Variants in CFAP91 observed in about 807,000 individuals in gnomAD.
CFAP91 encodes the protein cilia- and flagella-associated protein 91.
Under a neutral mutation model 95.9 loss-of-function variants are expected in CFAP91, and 85 were observed. The observed-to-expected ratio is 0.89, with a 90% CI of 0.74 to 1.06. The LOEUF (loss-of-function observed/expected upper bound fraction) is 1.06. Ranked by LOEUF, CFAP91 falls within the 50% of genes least tolerant of loss-of-function variation. The pLI is 0.00. For synonymous variants in CFAP91, 335 were observed against 327.5 expected, an observed-to-expected ratio of 1.02 and a Z score of -0.25; for missense variants, 962 against 943.4, an observed-to-expected ratio of 1.02 and a Z score of -0.26.
chr3:119,703,245 C>T, intron 1 of CFAP91, 23 bp downstream of exon 1: 1 of 1,609,770 alleles, frequency 6.2e-7, no homozygotes, highest in Non-Finnish European at 8.5e-7. Flanking sequence ...GCAGACCTTC[C>T]TCCGCGTCCG....
intron 5 of CFAP91, among the ~76,000 whole-genome samples, chr3:119,713,668 T>C (rs1478170298): frequency 6.6e-6 from 1 of 151,980 alleles, no homozygotes; most frequent in Non-Finnish European, 1.5e-5. Flanking sequence ...CAGAAAAGTA[T>C]AAAGATGAAA....
chr3:119,704,088 A>T (rs1231806704), intron 1 of CFAP91, among the ~76,000 whole-genome samples: 1 of 152,114 alleles, frequency 6.6e-6, no homozygotes, highest in Non-Finnish European at 1.5e-5. Context: ...CTGTGTAATG[A>T]TTGCTGACAT....
intron 6 of CFAP91, among the ~76,000 whole-genome samples, chr3:119,718,894 C>A (rs2053628029): frequency 6.7e-6 from 1 of 148,440 alleles, no homozygotes; most frequent in Non-Finnish European, 1.5e-5. Context: ...AGCAATTTCA[C>A]TCCTAAGTAT....
intron 17 of CFAP91, among the ~76,000 whole-genome samples, chr3:119,754,382 G>A (rs928777427): frequency 6.6e-6 from 1 of 152,136 alleles, no homozygotes; most frequent in African/African-American, 2.4e-5. Context: ...AATTGAAGAA[G>A]GAAATGTTAA....
At chr3:119,729,502 G>C (rs2053852284) in intron 7 of CFAP91, among the ~76,000 whole-genome samples, 1 of 152,052 alleles carries the variant, frequency 6.6e-6, no homozygotes, top group Non-Finnish European at 1.5e-5. Flanking sequence ...AAATTAGCCA[G>C]GTGTGGTGGT....
Position 119,729,323 on chromosome 3 carries a change from A to G in CFAP91, c.861-897A>G, listed in dbSNP as rs1426264962. Among the ~76,000 whole-genome samples, 4 of 152,028 alleles carry G rather than the reference A, an allele frequency of 2.6e-5. No homozygotes were observed. In the East Asian group the frequency reaches 7.7e-4, roughly 29 times the overall value. ...TTTAATTGTCAAGTGGTGACTGGAGATTCAAATAGATGGAAATTCTGGTTC... is the reference window on the plus strand; with the variant it reads ...TTTAATTGTCAAGTGGTGACTGGAGGTTCAAATAGATGGAAATTCTGGTTC... On this transcript the variant is annotated intron_variant, in intron 7 of 17. Transcript: ENST00000273390.
At chr3:119,762,602 A>G (rs1034451769) in intron 17 of CFAP91, among the ~76,000 whole-genome samples, 18 of 152,182 alleles carry the variant, frequency 1.2e-4, no homozygotes, top group Middle Eastern at 6.8e-3. Flanking sequence ...TATGCTAATC[A>G]AAACAGCATG....
chr3:119,737,294 T>A, intron 10 of CFAP91, 72 bp from the exon 11 acceptor site: 1 of 848,920 alleles, frequency 1.2e-6, no homozygotes, highest in Non-Finnish European at 1.9e-6. Flanking sequence ...TGTAAAAAAC[T>A]GCACTTTTAC....
chr3:119,740,403 G>A (rs867255129), intron 12 of CFAP91, 146 bp from the exon 13 acceptor site: 2 of 857,944 alleles, frequency 2.3e-6, no homozygotes, highest in South Asian at 1.8e-5. Context: ...CTCTAGCTCT[G>A]TGGGACACAT....
At chr3:119,742,841 T>A (rs983601446) in intron 13 of CFAP91, among the ~76,000 whole-genome samples, 1 of 152,180 alleles carries the variant, frequency 6.6e-6, no homozygotes, top group Non-Finnish European at 1.5e-5. Context: ...CTCTGAGAAC[T>A]GAGTATTCCC....
chr3:119,719,364 G>C (rs2053639252), intron 6 of CFAP91, among the ~76,000 whole-genome samples: 3 of 151,554 alleles, frequency 2.0e-5, no homozygotes, highest in Admixed American at 2.0e-4. Context: ...TCTGGGTGCT[G>C]ATTATATGGG....
chr3:119,712,981 A>C (rs994007807), intron 5 of CFAP91, among the ~76,000 whole-genome samples: 3 of 151,874 alleles, frequency 2.0e-5, no homozygotes, highest in East Asian at 1.9e-4. Flanking sequence ...CAAAAAAAAA[A>C]AACAACTATT....
intron 1 of CFAP91, chr3:119,706,057 G>A (rs1189030984): frequency 3.3e-5 from 5 of 152,104 alleles, no homozygotes; most frequent in African/African-American, 1.2e-4. Context: ...AGCTGGTCAG[G>A]GTATTTGCCT....
intron 3 of CFAP91, 138 bp downstream of exon 3, chr3:119,707,699 C>T: frequency 2.3e-6 from 1 of 432,100 alleles, no homozygotes; most frequent in East Asian, 4.1e-5. Flanking sequence ...CCTCTTTTGA[C>T]CAAACAAACC....
intron 5 of CFAP91, among the ~76,000 whole-genome samples, chr3:119,714,381 A>G (rs1488672576): frequency 7.7e-6 from 1 of 130,116 alleles, no homozygotes; most frequent in African/African-American, 2.6e-5. Context: ...AAAAAAAAAA[A>G]AAAAGAAAGA....
chr3:119,713,675 GA>G (rs1275641664), intron 5 of CFAP91, among the ~76,000 whole-genome samples: 4 of 151,576 alleles, frequency 2.6e-5, no homozygotes, highest in East Asian at 3.9e-4. Context: ...GTATAAAGAT[GA>G]AAAAAATTAT....
At chr3:119,745,453 G>A (rs1577236976) in intron 14 of CFAP91, among the ~76,000 whole-genome samples, 1 of 152,146 alleles carries the variant, frequency 6.6e-6, no homozygotes, top group Admixed American at 6.5e-5. Context: ...CACAACATTA[G>A]CAAGACATAG....
At position 119,744,102 on chromosome 3, in the gene CFAP91, C is replaced by T. The variant is rs2054175604; in HGVS notation, c.1808C>T (p.Ala603Val). 2 of 1,614,086 alleles carry T rather than the reference C, an allele frequency of 1.2e-6. No homozygotes were observed. Among genetic ancestry groups the T allele is most frequent in the South Asian group, 1.1e-5 (1 of 91,094 alleles). ...ERRIHAFVML[A>V]ERQRRVREAE... ...AGGATCCATGCCTTTGTCATGCTGG[C>T]TGAGCGCCAGCGGCGGGTACGAGAG... is the stretch of plus-strand genomic sequence containing the variant. Residue 603 changes from alanine (A) to valine (V), a missense_variant, in exon 14 of 18, where the codon GCT (alanine) becomes GTT (valine). Ala to Val is a moderately conservative substitution (Grantham distance 64). Transcript: ENST00000273390.
At chr3:119,712,890 T>A (rs1329758564) in intron 5 of CFAP91, among the ~76,000 whole-genome samples, 2 of 150,038 alleles carry the variant, frequency 1.3e-5, no homozygotes, top group Admixed American at 1.3e-4. Flanking sequence ...GGGAGGTGGA[T>A]GTTGCAGTGA....
Sources: gnomAD v4.1 joint callset for allele counts (sites outside exome capture counted in the v4.1 genomes callset) on GRCh38, gnomAD v4.1.1 for gene constraint, MANE v1.5 for transcripts, NCBI Gene and HGNC (gene_info 2026-07-23, HGNC 2026-07-21) for gene names.